Variants in TWIST2 observed in about 807,000 individuals in gnomAD.
The protein encoded by TWIST2 is twist family bHLH transcription factor 2, also known as twist-related protein 2.
In TWIST2, 1 loss-of-function variant was observed where a neutral mutation model predicts 11.6. The ratio of observed to expected loss-of-function variants is 0.09; its 90% CI spans 0.03 to 0.41. TWIST2 has a LOEUF of 0.41. Among genes scored for constraint, TWIST2 ranks in the 10% least tolerant of loss-of-function variants. The probability of loss-of-function intolerance (pLI) is 0.98; values close to 1 mark genes in which losing one functional copy is unlikely to be tolerated. For synonymous variants in TWIST2, 87 were observed against 96.6 expected, an observed-to-expected ratio of 0.90 and a Z score of 0.58; for missense variants, 168 against 226.4, an observed-to-expected ratio of 0.74 and a Z score of 1.66.
intron 1 of TWIST2, among the ~76,000 whole-genome samples, chr2:238,853,396 AGAGAGAGG>A (rs1410921496): frequency 6.1e-5 from 9 of 148,048 alleles, no homozygotes; most frequent in East Asian, 5.9e-4. Flanking sequence ...AGAGAGAGAG[AGAGAGAGG>A]GAGAGAGGGA....
chr2:238,870,784 C>T (rs1373047832), intron 1 of TWIST2, among the ~76,000 whole-genome samples: 1 of 41,292 alleles, frequency 2.4e-5, no homozygotes, highest in Non-Finnish European at 4.7e-5. Context: ...GTACACACTA[C>T]ACACAAACCA....
Position 238,893,045 on chromosome 2 carries a change from A to G in TWIST2, c.*36-16797A>G, listed in dbSNP as rs909383192. Among the ~76,000 whole-genome samples, 7 of 152,224 alleles carry G rather than the reference A, an allele frequency of 4.6e-5. No individual in the cohort carries two copies. The South Asian group carries it at 1.4e-3, about 31-fold the overall frequency. On this transcript the variant is annotated intron_variant, in intron 1 of 1. Transcript: ENST00000612363. ...TAACCACGCCCCCAACTGCTCCGCC[A>G]GAAACTCCAACTCTGCAGGCCTAAA...
chr2:238,857,605 T>C (rs1692354294), intron 1 of TWIST2, among the ~76,000 whole-genome samples: 1 of 151,782 alleles, frequency 6.6e-6, no homozygotes, highest in Non-Finnish European at 1.5e-5. Flanking sequence ...TAAAGCATCC[T>C]TCTGCTTGAA....
intron 1 of TWIST2, among the ~76,000 whole-genome samples, chr2:238,888,777 A>G (rs1168242864): frequency 1.3e-5 from 2 of 152,228 alleles, no homozygotes; most frequent in Non-Finnish European, 2.9e-5. Flanking sequence ...TAGCTCTGCC[A>G]TATTTCAACC....
intron 1 of TWIST2, among the ~76,000 whole-genome samples, chr2:238,855,554 G>C (rs36169090): frequency 2.0e-5 from 3 of 151,990 alleles, no homozygotes; most frequent in African/African-American, 7.3e-5. Context: ...CGCATTCCTT[G>C]TTTTCTGTCT....
intron 1 of TWIST2, among the ~76,000 whole-genome samples, chr2:238,878,436 G>A (rs556993874): frequency 1.4e-4 from 22 of 152,268 alleles, no homozygotes; most frequent in African/African-American, 4.6e-4. Flanking sequence ...AGAGGATGTC[G>A]GCTCCTCATC....
At position 238,867,982 on chromosome 2, in the gene TWIST2, G is replaced by C. The variant is rs1021549035; in HGVS notation, c.*35+19249G>C. ...GGGGCCACCCTCCTGCATGTAGTGA[G>C]GCTCGGGAAACGTGGAACGAAAGAA... On this transcript the variant is annotated intron_variant, in intron 1 of 1. Transcript: ENST00000612363. The surrounding 1 kb of genome is among the most constrained non-coding windows in gnomAD (Gnocchi z 4.8). Among the ~76,000 whole-genome samples, 2 of 152,218 alleles carry C rather than the reference G, an allele frequency of 1.3e-5. No individual in the cohort carries two copies. The highest frequency in any genetic ancestry group is 2.9e-5 in the Non-Finnish European group (2 of 68,042).
At chr2:238,901,546 G>C (rs1003491192) in intron 1 of TWIST2, among the ~76,000 whole-genome samples, 7 of 152,180 alleles carry the variant, frequency 4.6e-5, no homozygotes, top group African/African-American at 1.7e-4. Flanking sequence ...TGTGCCCCCT[G>C]AGTGGCCCTC....
intron 1 of TWIST2, among the ~76,000 whole-genome samples, chr2:238,870,119 A>T (rs1332402557): frequency 1.1e-5 from 1 of 89,936 alleles, no homozygotes; most frequent in Non-Finnish European, 2.2e-5. Context: ...CACACCATAC[A>T]CCCCCCACAC....
chr2:238,893,495 C>G (rs1693173033), intron 1 of TWIST2, among the ~76,000 whole-genome samples: 1 of 152,182 alleles, frequency 6.6e-6, no homozygotes, highest in Admixed American at 6.5e-5. Context: ...GAAGCACAGC[C>G]TGTGCCTCTC....
intron 1 of TWIST2, among the ~76,000 whole-genome samples, chr2:238,865,876 G>A (rs541388690): frequency 3.9e-5 from 6 of 152,088 alleles, no homozygotes; most frequent in Non-Finnish European, 8.8e-5. Flanking sequence ...AATGCCATTC[G>A]CTGTGATGAA....
chr2:238,880,706 C>T lies in TWIST2; in HGVS notation c.*36-29136C>T, dbSNP rs1334560161. ...GTATTAGTGTATTTATTAGTGTTAG[C>T]ATTAGTATTAATGTTAGTATCTATT... On this transcript the variant is annotated intron_variant, in intron 1 of 1. Transcript: ENST00000612363. Among the ~76,000 whole-genome samples the T allele has an allele frequency of 4.1e-5, 4 of 98,068 alleles. 1 individual carries two copies. Among genetic ancestry groups the T allele is most frequent in the Admixed American group, 1.1e-4 (1 of 9,122 alleles). The allele number at this position is 98,068 out of a possible 152,430, so 64.3% of individuals were successfully genotyped here. A position where few individuals can be genotyped will look rare whatever the true frequency, so the allele number is the denominator to read the frequency against.
rs1266426848 is a variant in TWIST2 at position 238,870,130 on chromosome 2, ACACACCACACCCCATACACACCACACC to A, written c.*35+21399_*35+21425del. On this transcript the variant is annotated intron_variant, in intron 1 of 1. Coordinates refer to ENST00000612363, the MANE Select transcript of TWIST2 (RefSeq NM_001271893.4). ...CAGACACACCATACACCCCCCACAC[ACACACCACACCCCATACACACCACACC>A]CCACACACACCACACACCCCACACA... is the stretch of plus-strand genomic sequence containing the variant. Among the ~76,000 whole-genome samples, 90 of 123,236 alleles carry A rather than the reference ACACACCACACCCCATACACACCACACC, an allele frequency of 7.3e-4. No individual in the cohort carries two copies. In the East Asian group the frequency reaches 0.017, roughly 24 times the overall value. The allele number at this position is 123,236 out of a possible 152,430, so 80.8% of individuals were successfully genotyped here.
At chr2:238,870,632 C>A (rs796455039) in intron 1 of TWIST2, among the ~76,000 whole-genome samples, 1,939 of 24,458 alleles carry the variant, frequency 0.079, 165 homozygotes, top group Middle Eastern at 0.17. Context: ...CAAACCACAC[C>A]CCCCCACACA....
chr2:238,848,582 A>T lies in TWIST2; in HGVS notation c.367A>T (p.Ser123Cys), dbSNP rs756524022. The stretch of plus-strand genomic sequence containing the variant: ...AGACTTCCTCTACCAGGTCCTGCAG[A>T]GCGACGAGATGGACAATAAGATGAC... ...YIDFLYQVLQSDEMDNKMTSC... is the reference protein window; with the variant it reads ...YIDFLYQVLQCDEMDNKMTSC... Residue 123 changes from serine to cysteine, a missense_variant, in exon 1 of 2, where the codon AGC becomes TGC. Physicochemically the swap from Ser to Cys is moderately radical, Grantham distance 112. Coordinates refer to ENST00000612363, the MANE Select transcript of TWIST2 (RefSeq NM_001271893.4). The T allele has an allele frequency of 6.3e-7, 1 of 1,575,948 alleles. No individual in the cohort carries two copies.
intron 1 of TWIST2, among the ~76,000 whole-genome samples, chr2:238,902,729 TGTA>T (rs1344607277): frequency 5.2e-4 from 55 of 106,728 alleles, no homozygotes; most frequent in African/African-American, 1.7e-3. Context: ...GTGTGTGTGA[TGTA>T]GTGTGTGTGA....
At chr2:238,900,969 T>G in intron 1 of TWIST2, among the ~76,000 whole-genome samples, 1 of 150,370 alleles carries the variant, frequency 6.7e-6, no homozygotes, top group Non-Finnish European at 1.5e-5. Flanking sequence ...GCCCTATCCC[T>G]TCTCCTTCCC....
intron 1 of TWIST2, among the ~76,000 whole-genome samples, chr2:238,904,177 T>G (rs1693312129): frequency 6.9e-6 from 1 of 144,978 alleles, no homozygotes; most frequent in Admixed American, 6.9e-5. Context: ...TGATGTGAGG[T>G]GTGTGTGATG....
chr2:238,894,574 T>C (rs1479943367), intron 1 of TWIST2, among the ~76,000 whole-genome samples: 1 of 152,220 alleles, frequency 6.6e-6, no homozygotes, highest in East Asian at 1.9e-4. Context: ...AGAGATCTGA[T>C]GGTGTCTGTG....
Sources: gnomAD v4.1 joint callset for allele counts (sites outside exome capture counted in the v4.1 genomes callset) on GRCh38, gnomAD v4.1.1 for gene constraint, Gnocchi (gnomAD v3.1) non-coding constraint, MANE v1.5 for transcripts, NCBI Gene and HGNC (gene_info 2026-07-23, HGNC 2026-07-21) for gene names.